GIPC2: variants seen among roughly 807,000 people sequenced by gnomAD.
GIPC2 encodes the protein GIPC PDZ domain containing family member 2, also known as PDZ domain-containing protein GIPC2.
A neutral mutation model predicts 30.6 loss-of-function variants in GIPC2; 30 were observed. That is an observed-to-expected ratio of 0.98 (90% CI 0.73 to 1.33). The LOEUF (loss-of-function observed/expected upper bound fraction) is 1.33. GIPC2 is among the 40% of genes most tolerant of loss of function. The pLI is 0.00. For missense variants in GIPC2, 414 were observed against 390.3 expected (o/e 1.06, Z -0.51); for synonymous variants, 167 against 150.0 (o/e 1.11, Z -0.83).
At chr1:78,133,901 T>C (rs915636552) in intron 5 of GIPC2, among the ~76,000 whole-genome samples, 11 of 152,172 alleles carry the variant, frequency 7.2e-5, no homozygotes, top group African/African-American at 2.4e-4. Flanking sequence ...CAGTGTGAAC[T>C]CTTGCACTCT....
upstream of GIPC2, chr1:78,045,111 A>G (rs1661043889): frequency 6.2e-6 from 6 of 966,370 alleles, no homozygotes; most frequent in South Asian, 2.9e-4. Context: ...TAAAAACCTA[A>G]AAGAATTACT....
intron 3 of GIPC2, among the ~76,000 whole-genome samples, chr1:78,100,351 T>C (rs1475111194): frequency 6.6e-6 from 1 of 152,196 alleles, no homozygotes; most frequent in Non-Finnish European, 1.5e-5. Flanking sequence ...GTCAGGGCTC[T>C]TTATTTTAAT....
intron 1 of GIPC2, among the ~76,000 whole-genome samples, chr1:78,058,263 G>T (rs1331612019): frequency 6.6e-6 from 1 of 152,146 alleles, no homozygotes; most frequent in African/African-American, 2.4e-5. Flanking sequence ...AAAGGTTGTC[G>T]TGAGGGGTAC....
chr1:78,066,797 C>T (rs1315802336), intron 1 of GIPC2, among the ~76,000 whole-genome samples: 1 of 152,160 alleles, frequency 6.6e-6, no homozygotes, highest in South Asian at 2.1e-4. Flanking sequence ...AAACCACATA[C>T]TGCGTATTAG....
At chr1:78,099,340 A>T (rs573474561) in intron 3 of GIPC2, among the ~76,000 whole-genome samples, 1 of 152,230 alleles carries the variant, frequency 6.6e-6, no homozygotes, top group African/African-American at 2.4e-5. Flanking sequence ...AATTTAATAA[A>T]GGCGATTAGA....
chr1:78,097,129 C>T (rs1662151928), intron 3 of GIPC2, among the ~76,000 whole-genome samples: 3 of 152,180 alleles, frequency 2.0e-5, no homozygotes, highest in Non-Finnish European at 2.9e-5. Flanking sequence ...GAGCATATAT[C>T]AGGGGGTACT....
chr1:78,103,093 G>A (rs1281491095), intron 3 of GIPC2, among the ~76,000 whole-genome samples: 3 of 152,198 alleles, frequency 2.0e-5, no homozygotes, highest in Non-Finnish European at 4.4e-5. Flanking sequence ...GCTAGTGAGC[G>A]AGGGAGGCAC....
intron 1 of GIPC2, among the ~76,000 whole-genome samples, chr1:78,051,791 G>C (rs1336260264): frequency 6.6e-6 from 1 of 152,160 alleles, no homozygotes; most frequent in Non-Finnish European, 1.5e-5. Context: ...CACCGCACCT[G>C]GCGTAGAATT....
At chr1:78,100,413 A>G (rs544787266) in intron 3 of GIPC2, among the ~76,000 whole-genome samples, 20 of 152,192 alleles carry the variant, frequency 1.3e-4, no homozygotes, top group Non-Finnish European at 2.2e-4. Flanking sequence ...CCACTGAATA[A>G]TAAGATTGAA....
intron 2 of GIPC2, among the ~76,000 whole-genome samples, chr1:78,089,928 G>A (rs1662006237): frequency 6.6e-6 from 1 of 152,196 alleles, no homozygotes; most frequent in Non-Finnish European, 1.5e-5. Context: ...ATACTTAGAT[G>A]AATGAGCATG....
At position 78,062,375 on chromosome 1, in the gene GIPC2, T is replaced by C. The variant is rs1156390513; in HGVS notation, c.240+16041T>C. ...CTGGTCATGATTCCTGTTATTTCCTTCCTTCTTCTGTGTTCTCTGTGCTTT... is the reference window on the plus strand; with the variant it reads ...CTGGTCATGATTCCTGTTATTTCCTCCCTTCTTCTGTGTTCTCTGTGCTTT... On this transcript the variant is annotated intron_variant, in intron 1 of 5. Transcript: ENST00000370759. 3.3e-5 allele frequency among the ~76,000 whole-genome samples: 5 copies of C among 152,312 alleles called. No individual in the cohort carries two copies. The East Asian group carries it at 9.6e-4, about 29-fold the overall frequency.
At chr1:78,082,412 GAT>G (rs1289562060) in intron 2 of GIPC2, among the ~76,000 whole-genome samples, 1 of 152,158 alleles carries the variant, frequency 6.6e-6, no homozygotes, top group Non-Finnish European at 1.5e-5. Flanking sequence ...CTACCCACTT[GAT>G]AGAATGGCTA....
At chr1:78,104,911 G>A (rs1016007543) in intron 3 of GIPC2, among the ~76,000 whole-genome samples, 2 of 152,242 alleles carry the variant, frequency 1.3e-5, no homozygotes, top group African/African-American at 2.4e-5. Context: ...GCATACTGTC[G>A]ATCATCTTAT....
At chr1:78,095,302 A>G (rs778491735) in intron 3 of GIPC2, among the ~76,000 whole-genome samples, 170 bp downstream of exon 3, 2 of 152,212 alleles carry the variant, frequency 1.3e-5, no homozygotes, top group Non-Finnish European at 2.9e-5. Context: ...AAAGACAACT[A>G]TTGAAGGAAG....
At chr1:78,076,452 A>G (rs1011507817) in intron 1 of GIPC2, among the ~76,000 whole-genome samples, 1 of 152,152 alleles carries the variant, frequency 6.6e-6, no homozygotes, top group Admixed American at 6.5e-5. Context: ...GACAAGTGGG[A>G]TGGTCTCTGG....
rs371466361 is a variant in GIPC2 at position 78,119,407 on chromosome 1, T to G, written c.622T>G (p.Ser208Ala). Residue 208 changes from serine to alanine, a missense_variant, in exon 4 of 6, where the codon TCA (serine) becomes GCA (alanine). Physicochemically the swap from Ser to Ala is moderately conservative, Grantham distance 99 (BLOSUM62 1). Transcript: ENST00000370759. ...PKKAFEIELR[S>A]KAGKSSGEKI... is the part of the protein sequence containing the mutation. ...TTGTATTGTAGAAATAGAGCTGAGGTCAAAGGCTGGAAAGTCATCAGGAGA... is the reference window on the plus strand; with the variant it reads ...TTGTATTGTAGAAATAGAGCTGAGGGCAAAGGCTGGAAAGTCATCAGGAGA... 12 of 1,604,032 alleles carry G rather than the reference T, an allele frequency of 7.5e-6. No individual in the cohort carries two copies. Among genetic ancestry groups the G allele is most frequent in the Non-Finnish European group, 9.4e-6 (11 of 1,171,166 alleles).
At chr1:78,115,927 T>C (rs1427651452) in intron 3 of GIPC2, among the ~76,000 whole-genome samples, 1 of 152,258 alleles carries the variant, frequency 6.6e-6, no homozygotes, top group Non-Finnish European at 1.5e-5. Flanking sequence ...TTGGCATAGA[T>C]TCCTAATAGC....
At chr1:78,103,099 G>A (rs1286170143) in intron 3 of GIPC2, among the ~76,000 whole-genome samples, 2 of 152,208 alleles carry the variant, frequency 1.3e-5, no homozygotes, top group African/African-American at 4.8e-5. Flanking sequence ...GAGCGAGGGA[G>A]GCACACTTCT....
intron 1 of GIPC2, among the ~76,000 whole-genome samples, chr1:78,054,750 A>G (rs1274121242): frequency 6.6e-6 from 1 of 152,226 alleles, no homozygotes; most frequent in African/African-American, 2.4e-5. Context: ...AGGAGAATCC[A>G]ACCAGCTGCC....
Sources: gnomAD v4.1 joint callset for allele counts (sites outside exome capture counted in the v4.1 genomes callset) on GRCh38, gnomAD v4.1.1 for gene constraint, MANE v1.5 for transcripts, NCBI Gene and HGNC (gene_info 2026-07-23, HGNC 2026-07-21) for gene names.